The following FNDC3B variants were observed in gnomAD, a reference collection of about 807,000 sequenced individuals.
FNDC3B encodes fibronectin type III domain containing 3B.
FNDC3B carries 12 observed loss-of-function variants against 151.5 expected under a neutral mutation model. The observed-to-expected ratio is 0.08, with a 90% CI of 0.05 to 0.13. The LOEUF (loss-of-function observed/expected upper bound fraction) is 0.13, where lower values mean the gene tolerates loss of function less well. Ranked by LOEUF, FNDC3B falls within the 10% of genes least tolerant of loss-of-function variation. FNDC3B has a pLI of 1.00. For missense variants in FNDC3B, 1,214 were observed against 1,505.3 expected (o/e 0.81, Z 3.20); for synonymous variants, 528 against 549.0 (o/e 0.96, Z 0.54).
intron 1 of FNDC3B, among the ~76,000 whole-genome samples, chr3:172,050,682 C>T (rs998630459): frequency 2.0e-5 from 3 of 148,058 alleles, no homozygotes; most frequent in Admixed American, 1.4e-4. Flanking sequence ...CCACGCCCAG[C>T]CTTTGTGGGT....
At chr3:172,172,530 A>C (rs1723337687) in intron 3 of FNDC3B, among the ~76,000 whole-genome samples, 1 of 152,172 alleles carries the variant, frequency 6.6e-6, no homozygotes, top group Non-Finnish European at 1.5e-5. Context: ...TCCTGGGGGA[A>C]GGAGCATATC....
intron 12 of FNDC3B, chr3:172,329,721 T>C (rs1732542034): frequency 6.6e-6 from 1 of 152,244 alleles, no homozygotes; most frequent in Non-Finnish European, 1.5e-5. Flanking sequence ...GTTTTGCACA[T>C]CGGTGGTCCC....
At chr3:172,384,829 C>T (rs1735625367) in intron 25 of FNDC3B, among the ~76,000 whole-genome samples, 1 of 152,166 alleles carries the variant, frequency 6.6e-6, no homozygotes, top group Admixed American at 6.5e-5. Context: ...CATATAAATG[C>T]TAATATACTA....
intron 22 of FNDC3B, among the ~76,000 whole-genome samples, chr3:172,354,312 C>T (rs1733985907): frequency 6.6e-6 from 1 of 151,848 alleles, no homozygotes; most frequent in Non-Finnish European, 1.5e-5. Flanking sequence ...ATCTGAATTA[C>T]ATTTTATGAG....
chr3:172,140,370 TGAAATTTGGAGAAA>T (rs1239253082), intron 3 of FNDC3B, among the ~76,000 whole-genome samples: 1 of 152,252 alleles, frequency 6.6e-6, no homozygotes, highest in Non-Finnish European at 1.5e-5. Context: ...TGGATTTACA[TGAAATTTGGAGAAA>T]GATTGAAGAA....
At chr3:172,361,888 T>A (rs1330787733) in intron 22 of FNDC3B, among the ~76,000 whole-genome samples, 1 of 152,184 alleles carries the variant, frequency 6.6e-6, no homozygotes, top group Non-Finnish European at 1.5e-5. Flanking sequence ...CCCAGCCTGG[T>A]CTCAAACTCC....
intron 6 of FNDC3B, among the ~76,000 whole-genome samples, chr3:172,274,302 A>G (rs1003581397): frequency 6.6e-6 from 1 of 152,190 alleles, no homozygotes; most frequent in African/African-American, 2.4e-5. Flanking sequence ...CAAGTAGTCT[A>G]GCAGTCTCTT....
intron 3 of FNDC3B, among the ~76,000 whole-genome samples, chr3:172,213,095 C>T (rs1406270395): frequency 1.3e-5 from 2 of 152,184 alleles, no homozygotes; most frequent in African/African-American, 4.8e-5. Context: ...TCTGGTTCCT[C>T]CCTTCTTTTT....
chr3:172,299,303 G>A (rs969277665), intron 9 of FNDC3B, among the ~76,000 whole-genome samples: 2 of 152,152 alleles, frequency 1.3e-5, no homozygotes, highest in Admixed American at 1.3e-4. Context: ...AACCCATGTG[G>A]CATAGTATGT....
intron 1 of FNDC3B, among the ~76,000 whole-genome samples, chr3:172,050,959 A>G (rs901275357): frequency 2.0e-5 from 3 of 152,064 alleles, no homozygotes; most frequent in East Asian, 1.9e-4. Flanking sequence ...GAATTATTAC[A>G]TTGCATTTAG....
chr3:172,089,260 G>A (rs1469813843), intron 1 of FNDC3B, among the ~76,000 whole-genome samples: 2 of 152,114 alleles, frequency 1.3e-5, no homozygotes, highest in East Asian at 3.8e-4. Context: ...TTTGAATCAA[G>A]AGTGTAGGAA....
chr3:172,058,947 A>G (rs1228343979), intron 1 of FNDC3B, among the ~76,000 whole-genome samples: 1 of 152,202 alleles, frequency 6.6e-6, no homozygotes. Flanking sequence ...AAGTTTTATG[A>G]ACATTTTCTT....
At chr3:172,393,004 T>C (rs1359368724) in intron 25 of FNDC3B, among the ~76,000 whole-genome samples, 1 of 151,936 alleles carries the variant, frequency 6.6e-6, no homozygotes, top group Admixed American at 6.6e-5. Context: ...GGTTTCACCA[T>C]GTTGGTCACG....
chr3:172,257,781 C>G (rs541477762), intron 6 of FNDC3B, among the ~76,000 whole-genome samples: 104 of 152,280 alleles, frequency 6.8e-4, no homozygotes, highest in African/African-American at 2.4e-3. Flanking sequence ...GACATGTACC[C>G]TTATGACCTG....
chr3:172,186,851 G>A (rs556817758), intron 3 of FNDC3B: 2 of 644,962 alleles, frequency 3.1e-6, no homozygotes, highest in East Asian at 5.6e-5. Context: ...GCTTTTCAAT[G>A]TCTGAAGTGG....
At chr3:172,137,913 G>GA (rs1429725149) in intron 3 of FNDC3B, among the ~76,000 whole-genome samples, 4 of 152,088 alleles carry the variant, frequency 2.6e-5, no homozygotes, top group African/African-American at 9.7e-5. Context: ...TAATTGTTAG[G>GA]AAAAAAGAAT....
intron 12 of FNDC3B, 140 bp downstream of exon 12, chr3:172,329,216 C>T (rs1732512450): frequency 6.8e-6 from 7 of 1,022,048 alleles, no homozygotes; most frequent in South Asian, 1.7e-5. Context: ...GAATCCTAAT[C>T]AGAGGAGAGA....
chr3:172,243,876 A>G (rs914547905), intron 4 of FNDC3B, among the ~76,000 whole-genome samples: 2 of 152,244 alleles, frequency 1.3e-5, no homozygotes, highest in African/African-American at 2.4e-5. Flanking sequence ...TTGGGGACAC[A>G]TAAGTCAGCC....
At chr3:172,213,454 T>C (rs1371766452) in intron 3 of FNDC3B, among the ~76,000 whole-genome samples, 3 of 152,224 alleles carry the variant, frequency 2.0e-5, no homozygotes, top group Admixed American at 6.5e-5. Context: ...GAAACTCCTA[T>C]CTTCTCAGTA....
Sources: allele counts gnomAD v4.1 joint callset (sites outside exome capture counted in the v4.1 genomes callset), GRCh38; gene constraint gnomAD v4.1.1; transcripts MANE v1.5; gene names NCBI Gene and HGNC (gene_info 2026-07-23, HGNC 2026-07-21).